Variants in IGF1R observed in about 807,000 individuals in gnomAD.
IGF1R encodes the protein insulin-like growth factor 1 receptor.
Under a neutral mutation model 144.6 loss-of-function variants are expected in IGF1R, and 44 were observed. The ratio of observed to expected loss-of-function variants is 0.30; its 90% CI spans 0.24 to 0.39. The LOEUF (loss-of-function observed/expected upper bound fraction) is 0.39. Ranked by LOEUF, IGF1R falls within the 10% of genes least tolerant of loss-of-function variation. IGF1R has a pLI of 1.00. For missense variants in IGF1R, 1,355 were observed against 1,833.7 expected (o/e 0.74, Z 4.77); for synonymous variants, 795 against 722.8 (o/e 1.10, Z -1.60).
In IGF1R at chr15:98,958,666, T is replaced by C. The variant is rs1372496804; in HGVS notation, c.*1224T>C. 4.3e-6 allele frequency: 1 copy of C among 231,922 alleles called. No individual in the cohort carries two copies. Among genetic ancestry groups the C allele is most frequent in the African/African-American group, 2.2e-5 (1 of 45,194 alleles). 14.4% of individuals were successfully genotyped at this position (231,922 alleles called of 1,614,324 possible). A position where few individuals can be genotyped will look rare whatever the true frequency, so the allele number is the denominator to read the frequency against. ...CTTTAATGTCACTTTTATAACTTTT[T>C]TACGGTTCAGATATTCATCTATACG... On this transcript the variant is annotated 3_prime_UTR_variant, in exon 21 of 21. Coordinates refer to ENST00000650285, the MANE Select transcript of IGF1R (RefSeq NM_000875.5).
At chr15:98,852,224 C>T (rs1481252659) in intron 2 of IGF1R, among the ~76,000 whole-genome samples, 1 of 152,190 alleles carries the variant, frequency 6.6e-6, no homozygotes, top group Admixed American at 6.5e-5. Flanking sequence ...CTCCGGGGGA[C>T]GCCCGCTCCG....
intron 2 of IGF1R, among the ~76,000 whole-genome samples, chr15:98,796,962 G>A (rs1483975434): frequency 6.6e-6 from 1 of 152,214 alleles, no homozygotes; most frequent in Non-Finnish European, 1.5e-5. Flanking sequence ...CATGGTGCTT[G>A]GATGTCTTGG....
At chr15:98,849,770 T>G (rs2011469539) in intron 2 of IGF1R, among the ~76,000 whole-genome samples, 1 of 152,214 alleles carries the variant, frequency 6.6e-6, no homozygotes, top group African/African-American at 2.4e-5. Context: ...AACAGATAGC[T>G]CACAGAAGAA....
chr15:98,930,102 CAGTA>C (rs1461049556), intron 14 of IGF1R, 129 bp from the exon 15 acceptor site: 2 of 733,270 alleles, frequency 2.7e-6, no homozygotes, highest in Non-Finnish European at 4.9e-6. Context: ...CTGCTGTAGA[CAGTA>C]AGCTCTCCCC....
At chr15:98,708,993 G>A (rs1490240019) in intron 2 of IGF1R, among the ~76,000 whole-genome samples, 1 of 152,148 alleles carries the variant, frequency 6.6e-6, no homozygotes, top group Non-Finnish European at 1.5e-5. Context: ...TAAGAACCAG[G>A]CTGTTTGGTA....
Position 98,916,682 on chromosome 15 carries a change from C to T in IGF1R, c.2007C>T (p.Pro669=), listed in dbSNP as rs778827101. 3 of 1,614,058 alleles carry T rather than the reference C, an allele frequency of 1.9e-6. No homozygotes were observed. The highest frequency in any genetic ancestry group is 2.5e-6 in the Non-Finnish European group (3 of 1,179,964). The stretch of plus-strand genomic sequence containing the variant: ...TTCTTTTCCGAGAAGACAAAATCCC[C>T]ATCAGGAAGTATGCCGACGGCACCA... ...RHNYCSKDKI[P]IRKYADGTID... The change falls in exon 10 of 21, where the codon CCC becomes CCT. Residue 669 remains proline, a synonymous_variant. Transcript: ENST00000650285.
chr15:98,863,835 C>T (rs1419086602), intron 2 of IGF1R, among the ~76,000 whole-genome samples: 2 of 152,158 alleles, frequency 1.3e-5, no homozygotes, highest in African/African-American at 4.8e-5. Flanking sequence ...TGAAGCACAG[C>T]CCAGATGCTT....
At chr15:98,798,968 C>A (rs1253702517) in intron 2 of IGF1R, among the ~76,000 whole-genome samples, 1 of 152,102 alleles carries the variant, frequency 6.6e-6, no homozygotes, top group African/African-American at 2.4e-5. Flanking sequence ...GAGAGGTTAG[C>A]TAACTTGTCC....
At chr15:98,656,588 G>C (rs558695919) in intron 1 of IGF1R, among the ~76,000 whole-genome samples, 1 of 149,560 alleles carries the variant, frequency 6.7e-6, no homozygotes, top group Non-Finnish European at 1.5e-5. Context: ...TGCTCACCTG[G>C]TAATAGTCTG....
intron 1 of IGF1R, among the ~76,000 whole-genome samples, chr15:98,679,725 A>G (rs1171938333): frequency 1.3e-5 from 2 of 152,040 alleles, no homozygotes; most frequent in Admixed American, 1.3e-4. Flanking sequence ...TTAAACACAA[A>G]ATTAATTGTA....
chr15:98,942,733 C>G (rs535559054), intron 18 of IGF1R, among the ~76,000 whole-genome samples, 190 bp from the exon 19 acceptor site: 8 of 152,232 alleles, frequency 5.3e-5, no homozygotes, highest in Non-Finnish European at 1.0e-4. Context: ...ATTTGCTCAT[C>G]ATGTGATTAA....
In IGF1R at chr15:98,905,194, G is replaced by A. The variant is rs1212367362; in HGVS notation, c.1248-3491G>A. ...ATATCGATAGAGATAACATAGAGAT[G>A]TCCTCAGGAAGATAACCAACTGTTC... On this transcript the variant is annotated intron_variant, in intron 5 of 20. Coordinates refer to ENST00000650285, the MANE Select transcript of IGF1R (RefSeq NM_000875.5). Among the ~76,000 whole-genome samples, 12 of 152,286 alleles carry A rather than the reference G, an allele frequency of 7.9e-5. No homozygotes were observed. In the East Asian group the frequency reaches 2.3e-3, roughly 29 times the overall value.
chr15:98,933,146 A>G (rs1408734318), intron 15 of IGF1R, among the ~76,000 whole-genome samples: 1 of 152,254 alleles, frequency 6.6e-6, no homozygotes, highest in South Asian at 2.1e-4. Flanking sequence ...AGGCAAGGAC[A>G]TTAGCACACA....
chr15:98,849,514 T>C (rs574898841), intron 2 of IGF1R, among the ~76,000 whole-genome samples: 1 of 152,344 alleles, frequency 6.6e-6, no homozygotes, highest in African/African-American at 2.4e-5. Context: ...AAAGCCTTTC[T>C]AGTTTCAACT....
At chr15:98,739,130 C>G (rs1192251763) in intron 2 of IGF1R, among the ~76,000 whole-genome samples, 1 of 152,146 alleles carries the variant, frequency 6.6e-6, no homozygotes, top group Non-Finnish European at 1.5e-5. Context: ...TGTGCAGGAG[C>G]TGGGCTTTTC....
intron 18 of IGF1R, among the ~76,000 whole-genome samples, 183 bp downstream of exon 18, chr15:98,939,543 G>A (rs189627538): frequency 1.2e-4 from 19 of 152,334 alleles, no homozygotes; most frequent in Admixed American, 5.2e-4. Flanking sequence ...CGGTCCCAAT[G>A]CTGATAGCTC....
At position 98,903,100 on chromosome 15, in the gene IGF1R, C is replaced by G. The variant is rs531537780; in HGVS notation, c.1247+3479C>G. On this transcript the variant is annotated intron_variant, in intron 5 of 20. Transcript: ENST00000650285. ...ACCTTAGACATTAAGAAAATCAAGA[C>G]CGCTCTGCTGTTTACAAAGGAAACA... 5.9e-5 allele frequency among the ~76,000 whole-genome samples: 9 copies of G among 152,234 alleles called. No homozygotes were observed. In the East Asian group the frequency reaches 1.5e-3, roughly 26 times the overall value.
intron 1 of IGF1R, among the ~76,000 whole-genome samples, chr15:98,674,146 T>C (rs1164004579): frequency 7.3e-6 from 1 of 137,498 alleles, no homozygotes; most frequent in Non-Finnish European, 1.6e-5. Flanking sequence ...TATTTTAAAA[T>C]ACTACTATAC....
At chr15:98,692,012 T>G (rs1013476658) in intron 1 of IGF1R, among the ~76,000 whole-genome samples, 7 of 152,146 alleles carry the variant, frequency 4.6e-5, no homozygotes, top group Non-Finnish European at 1.0e-4. Flanking sequence ...GGTAATTTTT[T>G]TGTGTGTGAA....
Sources: gnomAD v4.1 joint callset for allele counts (sites outside exome capture counted in the v4.1 genomes callset) on GRCh38, gnomAD v4.1.1 for gene constraint, MANE v1.5 for transcripts, NCBI Gene and HGNC (gene_info 2026-07-23, HGNC 2026-07-21) for gene names.